Variants in ARHGEF9 observed in about 807,000 individuals in gnomAD.
ARHGEF9 encodes Cdc42 guanine nucleotide exchange factor 9.
ARHGEF9 carries 2 observed loss-of-function variants against 41.3 expected under a neutral mutation model. That is an observed-to-expected ratio of 0.05 (90% CI 0.02 to 0.15). ARHGEF9 has a LOEUF of 0.15. Among genes scored for constraint, ARHGEF9 ranks in the 10% least tolerant of loss-of-function variants. ARHGEF9 has a pLI of 1.00. For missense variants in ARHGEF9, 225 were observed against 424.7 expected, an observed-to-expected ratio of 0.53 and a Z score of 4.13; for synonymous variants, 160 against 154.4, an observed-to-expected ratio of 1.04 and a Z score of -0.27.
At chrX:63,678,731 A>G in intron 4 of ARHGEF9, among the ~76,000 whole-genome samples, 159 bp from the exon 5 acceptor site, 1 of 112,631 alleles carries the variant, frequency 8.9e-6, no homozygotes, top group Middle Eastern at 4.6e-3. Context: ...TAAATATCAA[A>G]ACAAATTATT....
rs782362648 is a variant in ARHGEF9, at chrX:63,674,068, A to C, written c.915T>G (p.Ala305=). 5.8e-6 allele frequency: 7 copies of C among 1,211,243 alleles called. No homozygotes were observed. Among genetic ancestry groups the C allele is most frequent in the Non-Finnish European group, 7.8e-6 (7 of 895,137 alleles). The change falls in exon 6 of 10, where the codon GCT becomes GCG. Residue 305 remains alanine (A), a synonymous_variant. Transcript: ENST00000671741. ...KRRLENIDKI[A]QWQASVLDWE... ...AGTCTAGGACAGAAGCCTGCCACTGAGCAATCTTGTCAATATTCTCTAAAC... is the reference window on the plus strand; with the variant it reads ...AGTCTAGGACAGAAGCCTGCCACTGCGCAATCTTGTCAATATTCTCTAAAC...
At chrX:63,641,600 T>A (rs1170335846) in intron 9 of ARHGEF9, 1 of 111,470 alleles carries the variant, frequency 9.0e-6, no homozygotes, top group East Asian at 2.8e-4. Context: ...TTATAGATAT[T>A]CCTTTGTTTG....
Position 63,635,272 on chromosome X carries a change from T to A in ARHGEF9, c.*2756A>T. On this transcript the variant is annotated 3_prime_UTR_variant, in exon 10 of 10. Transcript: ENST00000671741. The stretch of plus-strand genomic sequence containing the variant: ...TGTTCTTATAGATCCATTAGAAATA[T>A]ACACATAGAGAGGGGGGGAAAAAGA... The A allele has an allele frequency of 2.0e-6, 1 of 500,959 alleles. No homozygotes were observed. Among genetic ancestry groups the A allele is most frequent in the Non-Finnish European group, 3.6e-6 (1 of 276,644 alleles). The allele number at this position is 500,959 out of a possible 1,213,427, so 41.3% of individuals were successfully genotyped here. A position where few individuals can be genotyped will look rare whatever the true frequency, so the allele number is the denominator to read the frequency against.
chrX:63,737,900 GT>G (rs782669728), intron 1 of ARHGEF9, among the ~76,000 whole-genome samples: 1 of 112,132 alleles, frequency 8.9e-6, no homozygotes, highest in East Asian at 2.8e-4. Flanking sequence ...GTCCAGTGGG[GT>G]TTTTTTCCTA....
intron 8 of ARHGEF9, among the ~76,000 whole-genome samples, chrX:63,644,759 A>T (rs1476581780): frequency 1.7e-4 from 16 of 96,583 alleles, no homozygotes; most frequent in Admixed American, 1.5e-3. Flanking sequence ...TATTATTATT[A>T]TTATTTTTTT....
chrX:63,668,434 A>G lies in ARHGEF9; in HGVS notation c.946-2417T>C, dbSNP rs2049720906. On this transcript the variant is annotated intron_variant, in intron 6 of 9. Coordinates refer to ENST00000671741, the MANE Select transcript of ARHGEF9 (RefSeq NM_001353921.2). The stretch of plus-strand genomic sequence containing the variant: ...ATTACAGATGTTAGCCACGGTGCCC[A>G]GCATCAATTATATTTTAATTACTTG... 3.6e-5 allele frequency among the ~76,000 whole-genome samples: 4 copies of G among 111,611 alleles called. No homozygotes were observed. The Admixed American group carries it at 3.8e-4, about 11-fold the overall frequency.
intron 1 of ARHGEF9, among the ~76,000 whole-genome samples, chrX:63,752,949 A>G (rs1556442604): frequency 8.9e-6 from 1 of 112,140 alleles, no homozygotes; most frequent in African/African-American, 3.2e-5. Flanking sequence ...GCTATAATAC[A>G]TGAGCCATAA....
At chrX:63,677,734 A>G (rs1362922036) in intron 5 of ARHGEF9, among the ~76,000 whole-genome samples, 1 of 111,611 alleles carries the variant, frequency 9.0e-6, no homozygotes, top group Non-Finnish European at 1.9e-5. Flanking sequence ...ACAAGGTGAA[A>G]GTGTACAGAA....
intron 1 of ARHGEF9, among the ~76,000 whole-genome samples, chrX:63,769,800 T>C (rs2056174365): frequency 8.9e-6 from 1 of 112,175 alleles, no homozygotes; most frequent in South Asian, 3.7e-4. Context: ...TGCACAAAAG[T>C]CAAAGATTAA....
At chrX:63,771,458 G>C (rs1244706205) in intron 1 of ARHGEF9, among the ~76,000 whole-genome samples, 1 of 111,957 alleles carries the variant, frequency 8.9e-6, no homozygotes, top group Non-Finnish European at 1.9e-5. Context: ...TGATTATTCT[G>C]CATATTTCTG....
intron 7 of ARHGEF9, among the ~76,000 whole-genome samples, chrX:63,662,109 T>C (rs186732035): frequency 8.9e-6 from 1 of 111,923 alleles, no homozygotes; most frequent in East Asian, 2.8e-4. Context: ...CCAGGCACTC[T>C]ATCAGGCATT....
intron 1 of ARHGEF9, chrX:63,755,127 C>G: frequency 2.1e-6 from 2 of 938,935 alleles, no homozygotes; most frequent in Non-Finnish European, 2.6e-6. Flanking sequence ...CCCCATCCCC[C>G]GCTCAGCCCA....
chrX:63,675,936 C>T (rs1351369087), intron 5 of ARHGEF9, among the ~76,000 whole-genome samples: 1 of 111,878 alleles, frequency 8.9e-6, no homozygotes, highest in Non-Finnish European at 1.9e-5. Context: ...ACTGAAAATG[C>T]CTTGTGGTCA....
chrX:63,649,579 T>A (rs1418520844), intron 8 of ARHGEF9, among the ~76,000 whole-genome samples: 1 of 110,824 alleles, frequency 9.0e-6, no homozygotes, highest in African/African-American at 3.3e-5. Flanking sequence ...ATGCAAGAAA[T>A]AACTAAGATC....
intron 8 of ARHGEF9, among the ~76,000 whole-genome samples, chrX:63,648,994 T>C (rs1334303013): frequency 6.3e-5 from 7 of 110,807 alleles, no homozygotes; most frequent in Non-Finnish European, 1.3e-4. Context: ...TCCCACACAA[T>C]AATAATGGGA....
At chrX:63,641,331 G>A (rs1381852789) in intron 9 of ARHGEF9, 5 of 99,935 alleles carry the variant, frequency 5.0e-5, no homozygotes, top group African/African-American at 1.5e-4. Flanking sequence ...CAGCCTGCAC[G>A]ATGAGAGTGA....
intron 8 of ARHGEF9, among the ~76,000 whole-genome samples, chrX:63,645,001 C>G (rs1430540991): frequency 9.1e-6 from 1 of 109,398 alleles, no homozygotes. Context: ...TGTTGAATTC[C>G]TGGGCTCAAA....
At chrX:63,663,327 G>A (rs1454714384) in intron 7 of ARHGEF9, among the ~76,000 whole-genome samples, 1 of 110,778 alleles carries the variant, frequency 9.0e-6, no homozygotes, top group Non-Finnish European at 1.9e-5. Context: ...ACTCATTCTA[G>A]GATTCATGAA....
At chrX:63,782,508 A>G (rs1317287663) in intron 1 of ARHGEF9, among the ~76,000 whole-genome samples, 1 of 112,532 alleles carries the variant, frequency 8.9e-6, no homozygotes, top group African/African-American at 3.2e-5. Context: ...CTCACAGTTT[A>G]GCATCCTGTA....
Sources: allele counts gnomAD v4.1 joint callset (sites outside exome capture counted in the v4.1 genomes callset), GRCh38; gene constraint gnomAD v4.1.1; transcripts MANE v1.5; gene names NCBI Gene and HGNC (gene_info 2026-07-23, HGNC 2026-07-21).